DEPDC5: variants seen among roughly 807,000 people sequenced by gnomAD.
DEPDC5 encodes GATOR1 complex protein DEPDC5.
A neutral mutation model predicts 217.3 loss-of-function variants in DEPDC5; 73 were observed. The observed-to-expected ratio is 0.34, with a 90% CI of 0.28 to 0.41. The LOEUF (loss-of-function observed/expected upper bound fraction) is 0.41. Among genes scored for constraint, DEPDC5 ranks in the 10% least tolerant of loss-of-function variants. The pLI is 1.00. For synonymous variants in DEPDC5, 733 were observed against 756.7 expected, an observed-to-expected ratio of 0.97 and a Z score of 0.51; for missense variants, 1,675 against 2,070.1, an observed-to-expected ratio of 0.81 and a Z score of 3.70.
chr22:31,755,840 A>C (rs1360316358), intron 2 of DEPDC5, among the ~76,000 whole-genome samples: 5 of 151,918 alleles, frequency 3.3e-5, no homozygotes, highest in African/African-American at 1.2e-4. Context: ...TGGAGTTAAC[A>C]ATATAATGAA....
At chr22:31,789,356 CAT>C (rs1014503757) in intron 10 of DEPDC5, among the ~76,000 whole-genome samples, 76 of 152,136 alleles carry the variant, frequency 5.0e-4, no homozygotes, top group African/African-American at 1.7e-3. Flanking sequence ...ATCTTGAACA[CAT>C]GTTAAGTGAG....
intron 1 of DEPDC5, among the ~76,000 whole-genome samples, chr22:31,754,478 C>T (rs1174456557): frequency 6.6e-6 from 1 of 152,270 alleles, no homozygotes; most frequent in Non-Finnish European, 1.5e-5. Context: ...GAGCAAGTCC[C>T]TTGCCCGGAG....
Position 31,893,595 on chromosome 22 carries a change from A to C in DEPDC5, c.4047A>C (p.Pro1349=), listed in dbSNP as rs369624291. The C allele has an allele frequency of 1.2e-6, 2 of 1,607,624 alleles. No individual in the cohort carries two copies. Among genetic ancestry groups the C allele is most frequent in the Non-Finnish European group, 1.7e-6 (2 of 1,177,416 alleles). Residue 1349 remains proline, a synonymous_variant, in exon 39 of 43, where the codon CCA becomes CCC. Coordinates refer to ENST00000651528, the MANE Select transcript of DEPDC5 (RefSeq NM_001242896.3). ...QAAALLAATV[P]EQRTVTLDVD... ...GTGCTGACATAGCTGCCACTGTCCC[A>C]GAGCAGAGGACTGTGACCCTGGATG...
chr22:31,828,299 A>G (rs1314308740), intron 24 of DEPDC5, among the ~76,000 whole-genome samples: 1 of 152,086 alleles, frequency 6.6e-6, no homozygotes, highest in African/African-American at 2.4e-5. Flanking sequence ...TAAAAATACA[A>G]AATTAGCCAG....
chr22:31,767,868 C>G (rs1056352151), intron 6 of DEPDC5, among the ~76,000 whole-genome samples: 2 of 151,924 alleles, frequency 1.3e-5, no homozygotes, highest in Admixed American at 6.6e-5. Flanking sequence ...GCCTCAGCCT[C>G]CCGAGTAGCT....
chr22:31,798,861 G>A (rs1042236926), intron 14 of DEPDC5, among the ~76,000 whole-genome samples: 1 of 152,148 alleles, frequency 6.6e-6, no homozygotes, highest in African/African-American at 2.4e-5. Flanking sequence ...AAAGAGCAGG[G>A]CATTCCCGAA....
intron 38 of DEPDC5, among the ~76,000 whole-genome samples, chr22:31,887,157 G>A (rs1022451235): frequency 1.3e-5 from 2 of 151,408 alleles, no homozygotes; most frequent in Non-Finnish European, 2.9e-5. Flanking sequence ...GTTGGCTCAC[G>A]CCTGTAATCC....
At chr22:31,868,070 C>A (rs1429422182) in intron 33 of DEPDC5, among the ~76,000 whole-genome samples, 1 of 152,214 alleles carries the variant, frequency 6.6e-6, no homozygotes, top group Non-Finnish European at 1.5e-5. Flanking sequence ...TAATTGCAAG[C>A]TGTCTCTTGC....
intron 10 of DEPDC5, among the ~76,000 whole-genome samples, chr22:31,787,473 T>A (rs899497839): frequency 1.3e-5 from 2 of 152,086 alleles, no homozygotes; most frequent in African/African-American, 4.8e-5. Context: ...TGAATCAGAC[T>A]TCAAAATTAA....
In DEPDC5 at chr22:31,754,906, G is replaced by A; in HGVS notation, c.-16G>A. ...TGCCCCAAGCTTGGAACAGCTAAAG[G>A]GAAAAACAGTGCAAGATGAGAACAA... On this transcript the variant is annotated 5_prime_UTR_variant, in exon 2 of 43. Transcript: ENST00000651528. The A allele has an allele frequency of 6.2e-7, 1 of 1,614,116 alleles. No individual in the cohort carries two copies. Among genetic ancestry groups the A allele is most frequent in the Non-Finnish European group, 8.5e-7 (1 of 1,180,006 alleles).
chr22:31,754,126 G>T lies in DEPDC5; in HGVS notation c.-99G>T, dbSNP rs1270287938. 9 of 152,872 alleles carry T rather than the reference G, an allele frequency of 5.9e-5. No individual in the cohort carries two copies. Among genetic ancestry groups the T allele is most frequent in the Admixed American group, 4.6e-4 (7 of 15,298 alleles). The allele number at this position is 152,872 out of a possible 1,614,324, so 9.5% of individuals were successfully genotyped here. ...GAACCTGGAGAGGGTCCAGCCCTCA[G>T]TGCCCCGGCCAGAGGCGGGAAGGGG... On this transcript the variant is annotated 5_prime_UTR_variant, in exon 1 of 43. Coordinates refer to ENST00000651528, the MANE Select transcript of DEPDC5 (RefSeq NM_001242896.3).
chr22:31,895,101 G>C (rs892518596), intron 39 of DEPDC5, among the ~76,000 whole-genome samples: 1 of 142,484 alleles, frequency 7.0e-6, no homozygotes. Flanking sequence ...CTGAGATCGC[G>C]CCATTGCACT....
chr22:31,798,001 C>T (rs1055575341), intron 13 of DEPDC5, among the ~76,000 whole-genome samples: 2 of 151,024 alleles, frequency 1.3e-5, no homozygotes, highest in African/African-American at 2.4e-5. Flanking sequence ...TATACTGTAA[C>T]TTTAAACCAC....
chr22:31,816,439 C>G (rs1483421971), intron 21 of DEPDC5: 1 of 133,952 alleles, frequency 7.5e-6, no homozygotes, highest in Non-Finnish European at 1.6e-5. Flanking sequence ...TTTTTCTTTT[C>G]TTTTTTTCTG....
chr22:31,902,408 T>TTTTATATATATATATATATATATATATA (rs1491391820), intron 41 of DEPDC5, among the ~76,000 whole-genome samples: 11 of 111,930 alleles, frequency 9.8e-5, no homozygotes, highest in Non-Finnish European at 1.8e-4. Flanking sequence ...CATCTCCTTA[T>TTTTATATATATATATATATATATATATA]TATATATATA....
At chr22:31,857,674 C>T (rs925512822) in intron 32 of DEPDC5, 121 bp downstream of exon 32, 1 of 750,572 alleles carries the variant, frequency 1.3e-6, no homozygotes, top group Non-Finnish European at 2.2e-6. Flanking sequence ...TGAATTCTAC[C>T]CTGAACCCTT....
chr22:31,880,002 G>A (rs573718815), intron 38 of DEPDC5: 105 of 487,566 alleles, frequency 2.2e-4, no homozygotes, highest in African/African-American at 1.5e-3. Flanking sequence ...AGACCTGTTC[G>A]GATAGGAGAG....
chr22:31,798,016 G>A (rs894297458), intron 13 of DEPDC5, among the ~76,000 whole-genome samples: 6 of 151,854 alleles, frequency 4.0e-5, no homozygotes, highest in Non-Finnish European at 7.4e-5. Context: ...AACCACTGGG[G>A]CTCAAGCAAT....
At chr22:31,834,717 A>G (rs1352315384) in intron 25 of DEPDC5, among the ~76,000 whole-genome samples, 2 of 151,948 alleles carry the variant, frequency 1.3e-5, no homozygotes, top group Admixed American at 6.6e-5. Flanking sequence ...GGGTTTCACC[A>G]TGTTGGTTAG....
Sources: allele counts gnomAD v4.1 joint callset (sites outside exome capture counted in the v4.1 genomes callset), GRCh38; gene constraint gnomAD v4.1.1; transcripts MANE v1.5; gene names NCBI Gene and HGNC (gene_info 2026-07-23, HGNC 2026-07-21).